The following KIAA1671 variants were observed in gnomAD, a reference collection of about 807,000 sequenced individuals.
KIAA1671 encodes the protein KIAA1671, also known as uncharacterized protein KIAA1671.
In KIAA1671, 52 loss-of-function variants were observed where a neutral mutation model predicts 131.2. The observed-to-expected ratio is 0.40, with a 90% CI of 0.32 to 0.50. The LOEUF (loss-of-function observed/expected upper bound fraction) is 0.50, where lower values mean the gene tolerates loss of function less well. Ranked by LOEUF, KIAA1671 falls within the 20% of genes least tolerant of loss-of-function variation. The pLI, the probability that KIAA1671 is intolerant of heterozygous loss-of-function variation, is 0.73. For synonymous variants in KIAA1671, 1,003 were observed against 961.6 expected, an observed-to-expected ratio of 1.04 and a Z score of -0.80; for missense variants, 2,360 against 2,364.2, an observed-to-expected ratio of 1.00 and a Z score of 0.04.
chr22:25,175,970 A>C (rs1443168232), intron 8 of KIAA1671: 2 of 152,136 alleles, frequency 1.3e-5, no homozygotes, highest in Non-Finnish European at 2.9e-5. Context: ...GACGGTTTGG[A>C]GGCCAAATGG....
intron 1 of KIAA1671, among the ~76,000 whole-genome samples, chr22:25,007,780 G>A (rs1187391823): frequency 6.6e-6 from 1 of 152,114 alleles, no homozygotes; most frequent in Non-Finnish European, 1.5e-5. Flanking sequence ...GTAATTAAAA[G>A]TGGGTATAAA....
intron 6 of KIAA1671, among the ~76,000 whole-genome samples, chr22:25,086,966 AC>A (rs1311866114): frequency 1.3e-5 from 2 of 152,092 alleles, no homozygotes; most frequent in African/African-American, 4.8e-5. Flanking sequence ...AGGCCTGTTA[AC>A]CCCCAAACAG....
At chr22:25,129,505 C>A (rs7284301) in intron 6 of KIAA1671, among the ~76,000 whole-genome samples, 2 of 142,056 alleles carry the variant, frequency 1.4e-5, no homozygotes, top group Non-Finnish European at 3.0e-5. Context: ...AAGACTCCAT[C>A]TGAAAAAAAA....
intron 6 of KIAA1671, among the ~76,000 whole-genome samples, chr22:25,148,416 A>G (rs934965713): frequency 1.3e-5 from 2 of 152,094 alleles, no homozygotes; most frequent in Non-Finnish European, 2.9e-5. Context: ...GTGGTCTCAG[A>G]GAGTTATGAG....
chr22:25,105,648 C>A (rs572994984), intron 6 of KIAA1671, among the ~76,000 whole-genome samples: 1 of 152,168 alleles, frequency 6.6e-6, no homozygotes, highest in Non-Finnish European at 1.5e-5. Flanking sequence ...CAGGAGGGAA[C>A]AAGCAGGAAT....
chr22:24,993,041 C>A lies in KIAA1671; in HGVS notation c.-207-32592C>A, dbSNP rs573360279. The stretch of plus-strand genomic sequence containing the variant: ...CAAAGCTGTCTCCTGACTCAGACTC[C>A]CAGTTGCCAGGTGCTGATCTCGAAG... On this transcript the variant is annotated intron_variant, in intron 1 of 12. Coordinates refer to ENST00000358431, the MANE Select transcript of KIAA1671 (RefSeq NM_001145206.2). 2.0e-5 allele frequency among the ~76,000 whole-genome samples: 3 copies of A among 151,852 alleles called. No homozygotes were observed. The East Asian group carries it at 5.8e-4, about 29-fold the overall frequency.
chr22:25,114,539 G>A (rs979965854), intron 6 of KIAA1671, among the ~76,000 whole-genome samples: 4 of 152,238 alleles, frequency 2.6e-5, no homozygotes, highest in African/African-American at 4.8e-5. Flanking sequence ...TGGCTCTGCC[G>A]CTTCCCAGCT....
chr22:25,141,002 G>A (rs533736815), intron 6 of KIAA1671, among the ~76,000 whole-genome samples: 22 of 152,230 alleles, frequency 1.4e-4, no homozygotes, highest in African/African-American at 5.1e-4. Context: ...AGGCCCTCAC[G>A]TCTCAGAACC....
chr22:25,065,292 G>A (rs1160099608), intron 6 of KIAA1671: 1 of 152,246 alleles, frequency 6.6e-6, no homozygotes, highest in East Asian at 1.9e-4. Flanking sequence ...GCATACAGTA[G>A]GCCCACAGGG....
chr22:25,160,005 A>G (rs1437572773), intron 6 of KIAA1671, among the ~76,000 whole-genome samples: 2 of 152,240 alleles, frequency 1.3e-5, no homozygotes. Context: ...CAATCTGAAT[A>G]CATGCTCATT....
chr22:25,170,288 G>A (rs1933800171), intron 6 of KIAA1671, among the ~76,000 whole-genome samples: 1 of 152,200 alleles, frequency 6.6e-6, no homozygotes, highest in Non-Finnish European at 1.5e-5. Flanking sequence ...CCATGGGATT[G>A]TCGAGGGACT....
chr22:24,995,144 G>A (rs559446409), intron 1 of KIAA1671, among the ~76,000 whole-genome samples: 9 of 147,820 alleles, frequency 6.1e-5, no homozygotes, highest in African/African-American at 2.3e-4. Context: ...TCCGCCTCCC[G>A]GGTTCACGCC....
intron 6 of KIAA1671, among the ~76,000 whole-genome samples, chr22:25,138,224 G>A (rs1379084705): frequency 2.6e-5 from 4 of 152,216 alleles, no homozygotes; most frequent in Admixed American, 6.5e-5. Context: ...CTAGGTTGAT[G>A]GAATAGGTTG....
At chr22:25,046,609 T>C (rs572389160) in intron 5 of KIAA1671, among the ~76,000 whole-genome samples, 2,742 of 152,344 alleles carry the variant, frequency 0.018, 41 homozygotes, top group Non-Finnish European at 0.028. Flanking sequence ...CTGCCATGCT[T>C]ACATTTCTTC....
At chr22:25,017,058 A>G (rs1369382923) in intron 1 of KIAA1671, among the ~76,000 whole-genome samples, 2 of 152,122 alleles carry the variant, frequency 1.3e-5, no homozygotes, top group Non-Finnish European at 2.9e-5. Context: ...AAGGGTGGTA[A>G]CTTCTGGGTT....
intron 6 of KIAA1671, chr22:25,051,267 C>T (rs912748637): frequency 9.2e-5 from 14 of 152,206 alleles, no homozygotes; most frequent in African/African-American, 2.9e-4. Flanking sequence ...AGCTCCTATC[C>T]TGGTGCCTCC....
At chr22:25,190,951 T>C (rs1297928822) in intron 12 of KIAA1671, among the ~76,000 whole-genome samples, 167 bp downstream of exon 12, 1 of 151,816 alleles carries the variant, frequency 6.6e-6, no homozygotes, top group Non-Finnish European at 1.5e-5. Context: ...GTAAAGAGGA[T>C]GGTTATGTCT....
chr22:25,017,291 G>C (rs1925381917), intron 1 of KIAA1671, among the ~76,000 whole-genome samples: 1 of 152,298 alleles, frequency 6.6e-6, no homozygotes, highest in South Asian at 2.1e-4. Context: ...GCTGAGGCAG[G>C]AGAATTGCTG....
At chr22:24,964,291 T>C (rs1922177781) in intron 1 of KIAA1671, among the ~76,000 whole-genome samples, 1 of 151,872 alleles carries the variant, frequency 6.6e-6, no homozygotes, top group Non-Finnish European at 1.5e-5. Flanking sequence ...ATTGTGCTAT[T>C]GTACTACAGC....
Sources: gnomAD v4.1 joint callset for allele counts (sites outside exome capture counted in the v4.1 genomes callset) on GRCh38, gnomAD v4.1.1 for gene constraint, MANE v1.5 for transcripts, NCBI Gene and HGNC (gene_info 2026-07-23, HGNC 2026-07-21) for gene names.